Variants in INSL6 observed in about 807,000 individuals in gnomAD.
INSL6 encodes insulin like 6.
Under a neutral mutation model 9.4 loss-of-function variants are expected in INSL6, and 16 were observed. That is an observed-to-expected ratio of 1.70 (90% confidence interval 1.15 to 2.59). The LOEUF (loss-of-function observed/expected upper bound fraction) is 2.59. Ranked by LOEUF, INSL6 falls within the 30% of genes most tolerant of loss-of-function variation. INSL6 has a pLI of 0.00. For synonymous variants in INSL6, 154 were observed against 96.9 expected (o/e 1.59, Z -3.46); for missense variants, 391 against 257.3 (o/e 1.52, Z -3.56).
intron 3 of INSL6, chr9:5,127,746 T>C (rs1824091782): frequency 8.6e-6 from 2 of 232,534 alleles, no homozygotes; most frequent in African/African-American, 2.2e-5. Flanking sequence ...ATAGATTAGA[T>C]TGTTTTTTAA....
At chr9:5,039,944 C>T in the INSL6 span, among the ~76,000 whole-genome samples, 9 of 152,138 alleles carry the variant, frequency 5.9e-5, no homozygotes, top group African/African-American at 2.2e-4. Flanking sequence ...GTCTTTATTG[C>T]AGAAATTGAC....
the INSL6 span, among the ~76,000 whole-genome samples, chr9:5,076,057 G>C: frequency 1.1e-4 from 17 of 152,192 alleles, no homozygotes; most frequent in Admixed American, 1.0e-3. Flanking sequence ...AGTGGAGCTT[G>C]AAGATGTGAC....
chr9:5,087,014 T>C, the INSL6 span, among the ~76,000 whole-genome samples: 1 of 152,358 alleles, frequency 6.6e-6, no homozygotes, highest in East Asian at 1.9e-4. Context: ...AAATTGTGCT[T>C]CCATCCCTCA....
chr9:5,184,799 G>A (rs971481607), intron 1 of INSL6, among the ~76,000 whole-genome samples: 6 of 152,198 alleles, frequency 3.9e-5, no homozygotes, highest in Non-Finnish European at 8.8e-5. Context: ...GACAAGTAAG[G>A]AAAACAGTTT....
the INSL6 span, chr9:5,090,990 A>AT: frequency 1.0e-5 from 11 of 1,067,274 alleles, no homozygotes; most frequent in East Asian, 2.8e-4. Flanking sequence ...ATAGTTTGCC[A>AT]TTTCTATATT....
chr9:5,016,021 A>T, the INSL6 span, among the ~76,000 whole-genome samples: 645 of 152,364 alleles, frequency 4.2e-3, 7 homozygotes, highest in African/African-American at 0.015. Flanking sequence ...AGAAGTAGGC[A>T]TTGGAGACAG....
chr9:5,115,119 G>A, the INSL6 span, among the ~76,000 whole-genome samples: 2 of 152,254 alleles, frequency 1.3e-5, no homozygotes, highest in African/African-American at 4.8e-5. Flanking sequence ...TGATCAGAGT[G>A]AACAGGCTAC....
At chr9:5,136,343 C>T (rs1824386406) in intron 2 of INSL6, among the ~76,000 whole-genome samples, 1 of 152,126 alleles carries the variant, frequency 6.6e-6, no homozygotes, top group South Asian at 2.1e-4. Context: ...GCCGATATCC[C>T]TGATAAACAC....
the INSL6 span, among the ~76,000 whole-genome samples, chr9:4,994,668 T>C: frequency 3.9e-5 from 6 of 152,210 alleles, no homozygotes; most frequent in African/African-American, 1.4e-4. Context: ...GGCTCATGGC[T>C]GTGTTCTCAT....
At chr9:5,041,112 C>T in the INSL6 span, 21 of 820,142 alleles carry the variant, frequency 2.6e-5, no homozygotes, top group East Asian at 3.2e-4. Context: ...TCGACCTTCA[C>T]GCCCAAGACG....
downstream of INSL6, among the ~76,000 whole-genome samples, chr9:5,160,718 A>G (rs966768926): frequency 2.6e-5 from 4 of 152,214 alleles, no homozygotes; most frequent in East Asian, 3.8e-4. Flanking sequence ...ATAAAAAGTG[A>G]CAAGACACAA....
chr9:5,178,459 C>CA (rs1463116529), intron 1 of INSL6, among the ~76,000 whole-genome samples: 2 of 152,230 alleles, frequency 1.3e-5, no homozygotes, highest in East Asian at 3.8e-4. Flanking sequence ...TTACTCTTCA[C>CA]TGGGCAGGAC....
rs114066965 is a variant in INSL6, at chr9:5,184,208, C to T, written c.289+1106G>A. 5.6e-3 allele frequency among the ~76,000 whole-genome samples: 860 copies of T among 152,296 alleles called. 4 individuals are homozygous for T. Among genetic ancestry groups the T allele is most frequent in the African/African-American group, 0.019 (794 of 41,572 alleles). On this transcript the variant is annotated intron_variant, in intron 1 of 1. Transcript: ENST00000381641. ...TGTGCATTGTTTGACTTTTTTCAGT[C>T]CTCTACATTAGGGTCTCTTTTTGGC...
downstream of INSL6, among the ~76,000 whole-genome samples, chr9:5,160,365 G>C (rs936736843): frequency 1.4e-4 from 22 of 152,072 alleles, no homozygotes; most frequent in African/African-American, 5.3e-4. Context: ...TCAACGAAGA[G>C]ATTAAGAAGA....
the INSL6 span, among the ~76,000 whole-genome samples, chr9:5,008,145 T>C: frequency 6.6e-6 from 1 of 152,222 alleles, no homozygotes; most frequent in African/African-American, 2.4e-5. Flanking sequence ...GTTCAGTACT[T>C]TTAAGAATTA....
chr9:5,007,496 A>G, the INSL6 span, among the ~76,000 whole-genome samples: 1 of 152,046 alleles, frequency 6.6e-6, no homozygotes, highest in African/African-American at 2.4e-5. Flanking sequence ...AGAACTTCAC[A>G]TTTTTCAATG....
the INSL6 span, among the ~76,000 whole-genome samples, chr9:5,029,050 CTT>C: frequency 6.6e-6 from 1 of 152,176 alleles, no homozygotes; most frequent in Non-Finnish European, 1.5e-5. Context: ...TTTAGCCTCT[CTT>C]GGCTTTTAAT....
the INSL6 span, among the ~76,000 whole-genome samples, chr9:5,059,791 G>C: frequency 6.6e-6 from 1 of 152,052 alleles, no homozygotes; most frequent in South Asian, 2.1e-4. Flanking sequence ...TCATTGCCCT[G>C]GTGAGTAATG....
the INSL6 span, among the ~76,000 whole-genome samples, chr9:5,107,245 G>C: frequency 2.6e-5 from 4 of 151,994 alleles, no homozygotes; most frequent in Admixed American, 6.6e-5. Context: ...ACTAGCCTTA[G>C]TAACCGACAC....
Sources: allele counts gnomAD v4.1 joint callset (sites outside exome capture counted in the v4.1 genomes callset), GRCh38; gene constraint gnomAD v4.1.1; transcripts MANE v1.5; gene names NCBI Gene and HGNC (gene_info 2026-07-23, HGNC 2026-07-21).